The following MYO5A variants were observed in gnomAD, a reference collection of about 807,000 sequenced individuals.
MYO5A encodes myosin VA, also known as unconventional myosin-Va.
MYO5A carries 98 observed loss-of-function variants against 249.7 expected under a neutral mutation model. That is an observed-to-expected ratio of 0.39 (90% CI 0.33 to 0.46). MYO5A has a LOEUF of 0.46. Among genes scored for constraint, MYO5A ranks in the 20% least tolerant of loss-of-function variants. The pLI is 0.98. For synonymous variants in MYO5A, 778 were observed against 810.6 expected, an observed-to-expected ratio of 0.96 and a Z score of 0.68; for missense variants, 1,696 against 2,308.8, an observed-to-expected ratio of 0.73 and a Z score of 5.44.
intron 8 of MYO5A, 82 bp from the exon 9 acceptor site, chr15:52,405,475 G>T: frequency 2.0e-6 from 2 of 1,004,834 alleles, no homozygotes; most frequent in Non-Finnish European, 1.5e-6. Flanking sequence ...TAAGCCTATT[G>T]TTAATTCCTG....
rs777979666 is a variant in MYO5A, at chr15:52,313,651, T to A, written c.*45A>T. Reference sequence around the variant, plus strand: ...ACTCACTGGAAATAATGGGTTCTTATTTCGGGCAAGAAATGTATTGTCAAT... The same window carrying A: ...ACTCACTGGAAATAATGGGTTCTTAATTCGGGCAAGAAATGTATTGTCAAT... On this transcript the variant is annotated 3_prime_UTR_variant, in exon 42 of 42. Transcript: ENST00000399233. The A allele has an allele frequency of 3.1e-6, 5 of 1,608,792 alleles. No homozygotes were observed. In the African/African-American group the frequency reaches 6.7e-5, roughly 22 times the overall value.
chr15:52,382,953 T>A lies in MYO5A; in HGVS notation c.2012+138A>T, dbSNP rs577117670. The A allele has an allele frequency of 3.2e-5, 24 of 739,866 alleles. No individual in the cohort carries two copies. In the African/African-American group the frequency reaches 3.6e-4, roughly 11 times the overall value. 45.8% of individuals were successfully genotyped at this position (739,866 alleles called of 1,614,324 possible). ...AAAAAATAATCTACTGACTAGTGGT[T>A]TCCCTCTACAAGGCATGAAGACTTA... On this transcript the variant is annotated intron_variant, in intron 16 of 41. Coordinates refer to ENST00000399233, the MANE Select transcript of MYO5A (RefSeq NM_001382347.1).
At chr15:52,430,537 T>C (rs528591980) in intron 2 of MYO5A, among the ~76,000 whole-genome samples, 3 of 152,356 alleles carry the variant, frequency 2.0e-5, no homozygotes, top group Non-Finnish European at 4.4e-5. Context: ...TTCTCTATTT[T>C]ATTCTAGGAC....
At chr15:52,517,729 A>T (rs1373913224) in intron 1 of MYO5A, among the ~76,000 whole-genome samples, 1 of 152,178 alleles carries the variant, frequency 6.6e-6, no homozygotes, top group Non-Finnish European at 1.5e-5. Flanking sequence ...ATATATACAG[A>T]TATATTTTTT....
intron 25 of MYO5A, 46 bp from the exon 26 acceptor site, chr15:52,354,060 A>G: frequency 6.2e-7 from 1 of 1,608,554 alleles, no homozygotes; most frequent in Non-Finnish European, 8.5e-7. Flanking sequence ...GCCAGAAGAC[A>G]TAAAAGCCAA....
intron 1 of MYO5A, among the ~76,000 whole-genome samples, chr15:52,521,343 C>A (rs2077615956): frequency 6.6e-6 from 1 of 152,082 alleles, no homozygotes; most frequent in Admixed American, 6.5e-5. Context: ...CATTTTACTT[C>A]TCCTATTCTG....
chr15:52,396,662 G>C (rs2042500751), intron 10 of MYO5A, among the ~76,000 whole-genome samples: 1 of 151,984 alleles, frequency 6.6e-6, no homozygotes, highest in Admixed American at 6.6e-5. Flanking sequence ...AACACTATGA[G>C]TTTTTGAGGG....
chr15:52,391,255 C>G (rs1031052434), intron 12 of MYO5A, among the ~76,000 whole-genome samples: 1 of 152,124 alleles, frequency 6.6e-6, no homozygotes, highest in African/African-American at 2.4e-5. Context: ...GGGTCAAGAG[C>G]GGTGTACCAT....
At position 52,325,874 on chromosome 15, in the gene MYO5A, T is replaced by G. The variant is rs369092322; in HGVS notation, c.4710+1978A>C. ...CTCTTTACCTAAGAGGTTACTAGAT[T>G]GAGTTTGCCGAAGTAGTATTTTTTG... On this transcript the variant is annotated intron_variant, in intron 36 of 41. Coordinates refer to ENST00000399233, the MANE Select transcript of MYO5A (RefSeq NM_001382347.1). Among the ~76,000 whole-genome samples the G allele has an allele frequency of 9.7e-4, 147 of 152,302 alleles. 1 individual carries two copies. Among genetic ancestry groups the G allele is most frequent in the African/African-American group, 3.3e-3 (136 of 41,562 alleles).
At chr15:52,481,473 T>A (rs533205918) in intron 1 of MYO5A, among the ~76,000 whole-genome samples, 7 of 152,188 alleles carry the variant, frequency 4.6e-5, no homozygotes, top group Non-Finnish European at 2.9e-5. Flanking sequence ...GCTGATGAGA[T>A]GGACACACAC....
chr15:52,344,325 C>T (rs1390593479), intron 30 of MYO5A, among the ~76,000 whole-genome samples: 1 of 152,186 alleles, frequency 6.6e-6, no homozygotes, highest in Admixed American at 6.5e-5. Context: ...TGGATGTTTT[C>T]CTGGCTCCTT....
intron 1 of MYO5A, among the ~76,000 whole-genome samples, chr15:52,519,656 A>G (rs1321320035): frequency 6.6e-6 from 1 of 151,928 alleles, no homozygotes; most frequent in Non-Finnish European, 1.5e-5. Flanking sequence ...ATGAAAAATC[A>G]AAATTGAAGA....
intron 3 of MYO5A, among the ~76,000 whole-genome samples, chr15:52,427,090 AT>A (rs2075411855): frequency 6.6e-6 from 1 of 152,116 alleles, no homozygotes; most frequent in South Asian, 2.1e-4. Context: ...ATGTAAATCA[AT>A]ATTAATACTG....
At chr15:52,448,821 A>G (rs928281432) in intron 1 of MYO5A, among the ~76,000 whole-genome samples, 1 of 151,912 alleles carries the variant, frequency 6.6e-6, no homozygotes, top group African/African-American at 2.4e-5. Context: ...ACCTTCTGCC[A>G]TGATTGTAAA....
chr15:52,441,011 C>T (rs1189621962), intron 1 of MYO5A, among the ~76,000 whole-genome samples: 1 of 152,168 alleles, frequency 6.6e-6, no homozygotes, highest in Non-Finnish European at 1.5e-5. Flanking sequence ...AAACTAAGTG[C>T]TCCTCTGGGC....
chr15:52,420,462 T>C (rs1482173535), intron 4 of MYO5A, among the ~76,000 whole-genome samples: 1 of 151,998 alleles, frequency 6.6e-6, no homozygotes, highest in Non-Finnish European at 1.5e-5. Flanking sequence ...CATGCTCTCT[T>C]CCCTTCCACC....
chr15:52,328,035 T>C, intron 35 of MYO5A, 29 bp from the exon 36 acceptor site: 1 of 1,581,060 alleles, frequency 6.3e-7, no homozygotes, highest in Non-Finnish European at 8.7e-7. Flanking sequence ...TAATTTTATA[T>C]AACATGGAAA....
At chr15:52,319,722 C>T (rs1452660881) in intron 38 of MYO5A, among the ~76,000 whole-genome samples, 2 of 152,120 alleles carry the variant, frequency 1.3e-5, no homozygotes, top group Middle Eastern at 3.4e-3. Flanking sequence ...CAGAGAGAGA[C>T]TCCATTTCAA....
At position 52,514,561 on chromosome 15, in the gene MYO5A, T is replaced by G. The variant is rs141582633; in HGVS notation, c.27+14219A>C. Among the ~76,000 whole-genome samples the G allele has an allele frequency of 7.8e-4, 118 of 152,244 alleles. 1 individual carries two copies. The highest frequency in any genetic ancestry group is 2.6e-3 in the African/African-American group (108 of 41,556). On this transcript the variant is annotated intron_variant, in intron 1 of 41. Coordinates refer to ENST00000399233, the MANE Select transcript of MYO5A (RefSeq NM_001382347.1). Reference sequence around the variant, plus strand: ...AAGTTGGCAAGCTCCTCACTTAAAGTGAAGACTGAATGCCAGGAGGGAAAC... The same window carrying G: ...AAGTTGGCAAGCTCCTCACTTAAAGGGAAGACTGAATGCCAGGAGGGAAAC...
Sources: gnomAD v4.1 joint callset for allele counts (sites outside exome capture counted in the v4.1 genomes callset) on GRCh38, gnomAD v4.1.1 for gene constraint, MANE v1.5 for transcripts, NCBI Gene and HGNC (gene_info 2026-07-23, HGNC 2026-07-21) for gene names.